TAFA1: variants seen among roughly 807,000 people sequenced by gnomAD.
TAFA1 encodes chemokine-like protein TAFA-1.
In TAFA1, 4 loss-of-function variants were observed where a neutral mutation model predicts 18.5. The observed-to-expected ratio is 0.22, with a 90% CI of 0.11 to 0.49. The LOEUF (loss-of-function observed/expected upper bound fraction) is 0.49, where lower values mean the gene tolerates loss of function less well. Among genes scored for constraint, TAFA1 ranks in the 20% least tolerant of loss-of-function variants. The pLI, the probability that TAFA1 is intolerant of heterozygous loss-of-function variation, is 0.98. For missense variants in TAFA1, 147 were observed against 169.0 expected (o/e 0.87, Z 0.72); for synonymous variants, 56 against 55.2 (o/e 1.01, Z -0.06).
At chr3:68,211,865 A>G (rs1358292093) in intron 2 of TAFA1, among the ~76,000 whole-genome samples, 1 of 152,076 alleles carries the variant, frequency 6.6e-6, no homozygotes, top group Non-Finnish European at 1.5e-5. Flanking sequence ...ACAGTGACAC[A>G]GCACCAAGCC....
At chr3:68,001,880 C>T (rs1027681319), upstream of TAFA1, among the ~76,000 whole-genome samples, 1 of 152,166 alleles carries the variant, frequency 6.6e-6, no homozygotes, top group African/African-American at 2.4e-5. Flanking sequence ...GAGGCCTCTG[C>T]TCAAGGACTC....
intron 2 of TAFA1, among the ~76,000 whole-genome samples, chr3:68,385,787 C>A (rs1300413791): frequency 3.3e-5 from 5 of 151,760 alleles, no homozygotes; most frequent in Admixed American, 1.3e-4. Flanking sequence ...AATTATTTGT[C>A]TTTTCAAATT....
intron 3 of TAFA1, among the ~76,000 whole-genome samples, chr3:68,425,798 C>T (rs1437940713): frequency 6.6e-6 from 1 of 151,792 alleles, no homozygotes; most frequent in Non-Finnish European, 1.5e-5. Flanking sequence ...TGCCAGTTTC[C>T]AGCCCACTGG....
rs116667657 is a variant in TAFA1 at position 68,188,745 on chromosome 3, A to G, written c.118+182001A>G. 3.5e-3 allele frequency among the ~76,000 whole-genome samples: 536 copies of G among 151,982 alleles called. 3 individuals are homozygous for G. The highest frequency in any genetic ancestry group is 0.012 in the African/African-American group (518 of 41,498). ...CTGAATTCCATGCTATTTTGCACTA[A>G]GGACAGAACCATGGTAGGGAACAAT... On this transcript the variant is annotated intron_variant, in intron 2 of 4. Transcript: ENST00000478136.
chr3:68,088,276 T>G (rs1293795837), intron 2 of TAFA1, among the ~76,000 whole-genome samples: 2 of 152,222 alleles, frequency 1.3e-5, no homozygotes, highest in Non-Finnish European at 2.9e-5. Flanking sequence ...ACAGCCACAG[T>G]AAATTGGTGC....
chr3:68,504,443 G>A (rs1369332043), intron 3 of TAFA1, among the ~76,000 whole-genome samples: 3 of 152,134 alleles, frequency 2.0e-5, no homozygotes, highest in African/African-American at 7.2e-5. Context: ...TCTTAACTAG[G>A]GCTGATACCA....
At chr3:68,152,950 A>T (rs1449969831) in intron 2 of TAFA1, among the ~76,000 whole-genome samples, 1 of 152,096 alleles carries the variant, frequency 6.6e-6, no homozygotes, top group Non-Finnish European at 1.5e-5. Flanking sequence ...GAGGGAATGG[A>T]GAGTGGGACC....
intron 2 of TAFA1, among the ~76,000 whole-genome samples, chr3:68,329,557 A>G (rs9873696): frequency 0.05 from 7,659 of 152,166 alleles, 233 homozygotes; most frequent in African/African-American, 0.086. Context: ...ACAGTTCTTG[A>G]CTATCAGATC....
In TAFA1 at chr3:68,177,966, A is replaced by C. The variant is rs146095054; in HGVS notation, c.118+171222A>C. 7.2e-3 allele frequency among the ~76,000 whole-genome samples: 1,096 copies of C among 152,232 alleles called. 15 individuals are homozygous for C. The highest frequency in any genetic ancestry group is 0.025 in the African/African-American group (1,050 of 41,536). On this transcript the variant is annotated intron_variant, in intron 2 of 4. Transcript: ENST00000478136. Reference sequence around the variant, plus strand: ...GAGACCATCCTGGCTAACATGGTGAAACCCCATCTCTACTAAAAATACAAA... The same window carrying C: ...GAGACCATCCTGGCTAACATGGTGACACCCCATCTCTACTAAAAATACAAA...
intron 2 of TAFA1, among the ~76,000 whole-genome samples, chr3:68,320,261 CT>C (rs2068678562): frequency 6.6e-6 from 1 of 152,200 alleles, no homozygotes; most frequent in South Asian, 2.1e-4. Context: ...CACAACCTGG[CT>C]TCCTTGTATC....
chr3:68,325,760 G>A (rs771292777), intron 2 of TAFA1, among the ~76,000 whole-genome samples: 12 of 152,152 alleles, frequency 7.9e-5, no homozygotes, highest in Non-Finnish European at 1.3e-4. Flanking sequence ...TAGCTGGCAC[G>A]TATTAAATTC....
intron 2 of TAFA1, among the ~76,000 whole-genome samples, chr3:68,340,935 G>T (rs1436178910): frequency 6.6e-6 from 1 of 152,208 alleles, no homozygotes; most frequent in African/African-American, 2.4e-5. Context: ...CAGACTTACA[G>T]TGGAGACGTT....
intron 2 of TAFA1, among the ~76,000 whole-genome samples, chr3:68,165,421 T>C (rs987897657): frequency 2.6e-5 from 4 of 152,218 alleles, no homozygotes; most frequent in Non-Finnish European, 5.9e-5. Flanking sequence ...GGAGAAATAA[T>C]TGTCTAACAT....
intron 2 of TAFA1, among the ~76,000 whole-genome samples, chr3:68,345,402 T>C (rs1390786658): frequency 6.6e-6 from 1 of 152,138 alleles, no homozygotes; most frequent in East Asian, 1.9e-4. Context: ...CTTCCTTCCA[T>C]AACAGAATGC....
At chr3:68,321,001 T>G (rs868777875) in intron 2 of TAFA1, among the ~76,000 whole-genome samples, 9 of 152,158 alleles carry the variant, frequency 5.9e-5, no homozygotes, top group Non-Finnish European at 1.2e-4. Context: ...TTCATATACA[T>G]TGGGGGCCAC....
intron 2 of TAFA1, among the ~76,000 whole-genome samples, chr3:68,374,997 C>G (rs1402233644): frequency 2.6e-5 from 4 of 152,148 alleles, no homozygotes; most frequent in East Asian, 3.9e-4. Context: ...CGTCAACTCT[C>G]CATAGGCTAA....
At chr3:68,028,011 T>C (rs1209086834) in intron 2 of TAFA1, among the ~76,000 whole-genome samples, 1 of 152,144 alleles carries the variant, frequency 6.6e-6, no homozygotes, top group African/African-American at 2.4e-5. Flanking sequence ...CACTCTGGGA[T>C]AGTTTATTCT....
chr3:68,113,083 T>C (rs1237029385), intron 2 of TAFA1, among the ~76,000 whole-genome samples: 1 of 152,138 alleles, frequency 6.6e-6, no homozygotes, highest in East Asian at 1.9e-4. Context: ...AAAATGTATA[T>C]GGAAATACAA....
chr3:68,092,844 T>G (rs953738461), intron 2 of TAFA1, among the ~76,000 whole-genome samples: 3 of 152,018 alleles, frequency 2.0e-5, no homozygotes, highest in African/African-American at 4.8e-5. Context: ...AATGGCTGAG[T>G]TAGTATCCCT....
Sources: allele counts gnomAD v4.1 joint callset (sites outside exome capture counted in the v4.1 genomes callset), GRCh38; gene constraint gnomAD v4.1.1; transcripts MANE v1.5; gene names NCBI Gene and HGNC (gene_info 2026-07-23, HGNC 2026-07-21).